The following PSD3 variants were observed in gnomAD, a reference collection of about 807,000 sequenced individuals.
PSD3 encodes the protein PH and SEC7 domain-containing protein 3.
A neutral mutation model predicts 105.5 loss-of-function variants in PSD3; 49 were observed. That is an observed-to-expected ratio of 0.46 (90% confidence interval 0.37 to 0.59). The LOEUF is 0.59. PSD3 is among the 20% of genes least tolerant of loss of function. The pLI is 0.00. For synonymous variants in PSD3, 557 were observed against 457.8 expected (o/e 1.22, Z -2.77); for missense variants, 1,561 against 1,263.8 (o/e 1.24, Z -3.57).
intron 2 of PSD3, among the ~76,000 whole-genome samples, chr8:18,922,452 C>T (rs114481091): frequency 3.2e-4 from 49 of 152,294 alleles, no homozygotes; most frequent in African/African-American, 1.2e-3. Flanking sequence ...CAGGAATAAA[C>T]TAAACGGAAG....
At chr8:18,807,880 G>C (rs1453846831) in intron 4 of PSD3, among the ~76,000 whole-genome samples, 2 of 152,162 alleles carry the variant, frequency 1.3e-5, no homozygotes, top group African/African-American at 4.8e-5. Flanking sequence ...CCAAGGGGAG[G>C]ACTGCTTTAG....
At position 18,936,107 on chromosome 8, in the gene PSD3, T is replaced by G; in HGVS notation, c.57A>C (p.Ala19=). The stretch of plus-strand genomic sequence containing the variant: ...TGGCCTTGGCAACACTCTGGGAATG[T>G]GCAGATGCATTGTTCACCCAAACAA... The part of the protein sequence containing the change: ...ETFVWVNNAS[A]HSQSVAKAKY... Residue 19 remains alanine, a synonymous_variant, in exon 2 of 16, where the codon GCA becomes GCC. Transcript: ENST00000327040. The G allele has an allele frequency of 1.2e-6, 2 of 1,613,262 alleles. No individual in the cohort carries two copies. The highest frequency in any genetic ancestry group is 1.1e-5 in the South Asian group (1 of 91,056).
chr8:18,967,599 G>T (rs1824356668), intron 1 of PSD3, among the ~76,000 whole-genome samples: 1 of 152,114 alleles, frequency 6.6e-6, no homozygotes, highest in African/African-American at 2.4e-5. Flanking sequence ...TTATGAGCTG[G>T]TCCACAAAAC....
intron 1 of PSD3, among the ~76,000 whole-genome samples, chr8:18,985,451 A>G (rs1424841145): frequency 1.3e-5 from 2 of 152,212 alleles, no homozygotes; most frequent in African/African-American, 4.8e-5. Context: ...TTATCCTAAT[A>G]GGAAGGCACC....
At chr8:18,821,586 G>C (rs566796231) in intron 4 of PSD3, among the ~76,000 whole-genome samples, 11 of 151,942 alleles carry the variant, frequency 7.2e-5, no homozygotes, top group African/African-American at 2.4e-4. Flanking sequence ...TTTGTGACCA[G>C]TTTCTATGGA....
intron 8 of PSD3, among the ~76,000 whole-genome samples, chr8:18,795,475 C>A (rs1174190140): frequency 6.6e-6 from 1 of 152,146 alleles, no homozygotes; most frequent in South Asian, 2.1e-4. Flanking sequence ...TACATTTTGT[C>A]AAAAAATCTT....
At chr8:18,900,328 T>C (rs1156586679) in intron 2 of PSD3, among the ~76,000 whole-genome samples, 1 of 152,182 alleles carries the variant, frequency 6.6e-6, no homozygotes, top group Non-Finnish European at 1.5e-5. Context: ...ACATTTTCAA[T>C]ATAAAAAAGT....
At chr8:18,640,962 T>C (rs1027460720) in intron 10 of PSD3, among the ~76,000 whole-genome samples, 2 of 152,168 alleles carry the variant, frequency 1.3e-5, no homozygotes, top group African/African-American at 4.8e-5. Flanking sequence ...CAGCCTGTAA[T>C]ATGGTTAGGC....
intron 14 of PSD3, among the ~76,000 whole-genome samples, chr8:18,564,909 C>T (rs1419086448): frequency 1.3e-5 from 2 of 151,818 alleles, no homozygotes; most frequent in East Asian, 3.9e-4. Flanking sequence ...TAAGTCTGAC[C>T]AAAAAAGTAT....
intron 10 of PSD3, among the ~76,000 whole-genome samples, chr8:18,654,975 T>G (rs552076694): frequency 1.3e-5 from 2 of 152,266 alleles, no homozygotes; most frequent in African/African-American, 4.8e-5. Context: ...GTATTACATT[T>G]TGCAATACAC....
chr8:18,958,871 G>C (rs1823736048), intron 1 of PSD3, among the ~76,000 whole-genome samples: 1 of 151,206 alleles, frequency 6.6e-6, no homozygotes, highest in South Asian at 2.1e-4. Context: ...GTGAAATTTT[G>C]TTCCAATAAG....
chr8:18,872,562 T>C lies in PSD3; in HGVS notation c.302A>G (p.His101Arg), dbSNP rs777688974. ...QQGVQPLTGC[H>R]SGLDSVTEGP... ...TTCTGTAACACTGTCGAGCCCAGAG[T>C]GGCAGCCAGTAAGAGGCTGGACACC... The change falls in exon 3 of 16, where the codon CAC becomes CGC. Residue 101 changes from histidine to arginine, a missense_variant. By Grantham distance (29) the His-to-Arg change is conservative. Coordinates refer to ENST00000327040, the MANE Select transcript of PSD3 (RefSeq NM_015310.4). 1.2e-6 allele frequency: 2 copies of C among 1,613,838 alleles called. No homozygotes were observed. Among genetic ancestry groups the C allele is most frequent in the African/African-American group, 2.7e-5 (2 of 74,880 alleles).
intron 2 of PSD3, among the ~76,000 whole-genome samples, chr8:18,880,069 G>A (rs1818013607): frequency 6.6e-6 from 1 of 152,098 alleles, no homozygotes. Flanking sequence ...CACACCCCAT[G>A]AGCAGTTTAT....
intron 1 of PSD3, among the ~76,000 whole-genome samples, chr8:18,948,600 C>T (rs1823008664): frequency 6.6e-6 from 1 of 152,158 alleles, no homozygotes; most frequent in East Asian, 1.9e-4. Flanking sequence ...AATATTTTTC[C>T]TGAATCCTTA....
chr8:18,814,220 G>T (rs962726887), intron 4 of PSD3, among the ~76,000 whole-genome samples: 1 of 152,186 alleles, frequency 6.6e-6, no homozygotes, highest in Non-Finnish European at 1.5e-5. Context: ...AAAAATTTTA[G>T]TAAGCATCAC....
chr8:18,836,053 A>G (rs2129450883), intron 4 of PSD3, among the ~76,000 whole-genome samples: 1 of 152,328 alleles, frequency 6.6e-6, no homozygotes, highest in Non-Finnish European at 1.5e-5. Flanking sequence ...GAGTGGTAAC[A>G]CAGTTGAGAT....
intron 6 of PSD3, chr8:18,803,191 T>C (rs1194551813): frequency 5.2e-5 from 12 of 230,764 alleles, no homozygotes; most frequent in African/African-American, 7.5e-5. Flanking sequence ...GGAGGCTGAT[T>C]CAGGAGAACT....
chr8:18,997,690 A>G (rs1826152614), intron 1 of PSD3, among the ~76,000 whole-genome samples: 1 of 152,080 alleles, frequency 6.6e-6, no homozygotes, highest in Non-Finnish European at 1.5e-5. Flanking sequence ...TGCTCCAGTC[A>G]CACTGGTGTC....
intron 9 of PSD3, among the ~76,000 whole-genome samples, chr8:18,755,486 A>ACATAACATAACATAACAT (rs61699522): frequency 1.3e-5 from 2 of 151,830 alleles, no homozygotes; most frequent in Non-Finnish European, 2.9e-5. Flanking sequence ...ACATAACATA[A>ACATAACATAACATAACAT]AAATGCTCCA....
Sources: allele counts gnomAD v4.1 joint callset (sites outside exome capture counted in the v4.1 genomes callset), GRCh38; gene constraint gnomAD v4.1.1; transcripts MANE v1.5; gene names NCBI Gene and HGNC (gene_info 2026-07-23, HGNC 2026-07-21).